LRIG3: variants seen among roughly 807,000 people sequenced by gnomAD.
LRIG3 encodes leucine-rich repeats and immunoglobulin-like domains protein 3.
In LRIG3, 76 loss-of-function variants were observed where a neutral mutation model predicts 114.5. That is an observed-to-expected ratio of 0.66 (90% CI 0.55 to 0.80). LRIG3 has a LOEUF of 0.80. Ranked by LOEUF, LRIG3 falls within the 30% of genes least tolerant of loss-of-function variation. The pLI, the probability that LRIG3 is intolerant of heterozygous loss-of-function variation, is 0.00. For synonymous variants in LRIG3, 512 were observed against 519.8 expected, an observed-to-expected ratio of 0.98 and a Z score of 0.20; for missense variants, 1,239 against 1,382.8, an observed-to-expected ratio of 0.90 and a Z score of 1.65.
chr12:58,909,315 G>T (rs1565623388), intron 3 of LRIG3, among the ~76,000 whole-genome samples: 1 of 152,168 alleles, frequency 6.6e-6, no homozygotes, highest in Non-Finnish European at 1.5e-5. Context: ...GTAGGATTTG[G>T]TAAATATGTG....
At chr12:58,889,066 TTACA>T in intron 5 of LRIG3, 104 bp from the exon 6 acceptor site, 2 of 1,057,498 alleles carry the variant, frequency 1.9e-6, no homozygotes, top group South Asian at 3.6e-5. Context: ...CAGTGTTCAA[TTACA>T]TACAGTGTTT....
chr12:58,874,547 C>T lies in LRIG3; in HGVS notation c.2722G>A (p.Glu908Lys). Residue 908 changes from glutamate (E) to lysine (K), a missense_variant, in exon 17 of 19, where the codon GAA becomes AAA. Coordinates refer to ENST00000320743, the MANE Select transcript of LRIG3 (RefSeq NM_153377.5). ...SGTCHIDNSS[E>K]ADVEAATDLF... Reference sequence around the variant, plus strand: ...TCTGTGGCAGCTTCCACATCAGCTTCACTGCTATTGTCAATATGGCAGGTC... The same window carrying T: ...TCTGTGGCAGCTTCCACATCAGCTTTACTGCTATTGTCAATATGGCAGGTC... 2.5e-6 allele frequency: 4 copies of T among 1,614,218 alleles called. No homozygotes were observed. The highest frequency in any genetic ancestry group is 3.4e-6 in the Non-Finnish European group (4 of 1,180,038).
intron 13 of LRIG3, among the ~76,000 whole-genome samples, chr12:58,879,901 G>A (rs1871061558): frequency 2.0e-5 from 3 of 152,178 alleles, no homozygotes; most frequent in African/African-American, 4.8e-5. Context: ...CGCAGGAGTG[G>A]CAGGATTCAC....
chr12:58,912,508 G>T (rs1244417012), intron 3 of LRIG3, among the ~76,000 whole-genome samples: 3 of 151,496 alleles, frequency 2.0e-5, no homozygotes, highest in Admixed American at 6.6e-5. Context: ...AAAAAAAAAA[G>T]TATAAAACAC....
intron 9 of LRIG3, 130 bp from the exon 10 acceptor site, chr12:58,886,032 T>C (rs1347962082): frequency 5.1e-6 from 2 of 391,000 alleles, no homozygotes; most frequent in Non-Finnish European, 9.5e-6. Flanking sequence ...ATATATCCTG[T>C]AAAAATGTGT....
intron 13 of LRIG3, among the ~76,000 whole-genome samples, chr12:58,880,195 C>T (rs1464544593): frequency 6.6e-6 from 1 of 151,104 alleles, no homozygotes; most frequent in Non-Finnish European, 1.5e-5. Context: ...ACTCAGGAGG[C>T]TGAGGTAGGA....
intron 3 of LRIG3, among the ~76,000 whole-genome samples, chr12:58,894,238 GTGCTGT>G (rs1871558149): frequency 6.6e-6 from 1 of 152,182 alleles, no homozygotes; most frequent in African/African-American, 2.4e-5. Context: ...AGCGTGCACA[GTGCTGT>G]CTTTGTCAGC....
intron 3 of LRIG3, among the ~76,000 whole-genome samples, chr12:58,894,292 A>G (rs1871560650): frequency 2.0e-5 from 3 of 152,212 alleles, no homozygotes; most frequent in African/African-American, 7.2e-5. Flanking sequence ...CAACTGTGAG[A>G]ATAATAGTCC....
chr12:58,874,705 A>C (rs1870859089), intron 16 of LRIG3, 132 bp from the exon 17 acceptor site: 2 of 1,136,688 alleles, frequency 1.8e-6, no homozygotes, highest in Admixed American at 2.6e-5. Flanking sequence ...AAATTGCAAA[A>C]ATTTACAGTA....
At chr12:58,877,041 CA>C (rs2120873038) in intron 15 of LRIG3, among the ~76,000 whole-genome samples, 1 of 152,318 alleles carries the variant, frequency 6.6e-6, no homozygotes, top group Admixed American at 6.5e-5. Context: ...AGTACATGCA[CA>C]TACGCACAGA....
chr12:58,889,933 A>G, intron 5 of LRIG3, 63 bp downstream of exon 5: 1 of 1,556,882 alleles, frequency 6.4e-7, no homozygotes, highest in East Asian at 2.3e-5. Context: ...GTAGATTTTA[A>G]GGAAAAGACA....
intron 3 of LRIG3, among the ~76,000 whole-genome samples, chr12:58,905,394 T>C (rs1190301000): frequency 6.6e-6 from 1 of 152,212 alleles, no homozygotes; most frequent in Non-Finnish European, 1.5e-5. Flanking sequence ...TCTATAAACA[T>C]TTAAAATCCA....
intron 3 of LRIG3, among the ~76,000 whole-genome samples, chr12:58,906,405 T>A (rs1429005071): frequency 1.3e-5 from 2 of 152,182 alleles, no homozygotes; most frequent in Non-Finnish European, 2.9e-5. Context: ...TATTAAAATA[T>A]CAATATTACT....
intron 1 of LRIG3, among the ~76,000 whole-genome samples, chr12:58,917,711 AC>A (rs1872532175): frequency 2.6e-5 from 4 of 152,212 alleles, no homozygotes; most frequent in African/African-American, 9.6e-5. Context: ...AAAGATAGAC[AC>A]TGAACTTTTT....
chr12:58,883,150 A>C, intron 11 of LRIG3, 118 bp from the exon 12 acceptor site: 9 of 928,028 alleles, frequency 9.7e-6, no homozygotes, highest in South Asian at 1.8e-5. Flanking sequence ...CACACATCCC[A>C]TGGAATAAGT....
At chr12:58,918,088 G>T (rs1047100078) in intron 1 of LRIG3, among the ~76,000 whole-genome samples, 5 of 152,322 alleles carry the variant, frequency 3.3e-5, no homozygotes, top group Admixed American at 6.5e-5. Flanking sequence ...AGTCACAGAA[G>T]TACAGGAATG....
Position 58,878,984 on chromosome 12 carries a change from G to T in LRIG3, c.1923C>A (p.Gly641=), listed in dbSNP as rs759505812. 1 of 1,614,178 alleles carries T rather than the reference G, an allele frequency of 6.2e-7. No individual in the cohort carries two copies. Among genetic ancestry groups the T allele is most frequent in the South Asian group, 1.1e-5 (1 of 91,080 alleles). Residue 641 remains glycine (G), a synonymous_variant, in exon 14 of 19, where the codon GGC becomes GGA. Coordinates refer to ENST00000320743, the MANE Select transcript of LRIG3 (RefSeq NM_153377.5). ...TCTCCCGTGCAGCTGGGAAGTCTGT[G>T]CCCCCATCCTTCTGCCAGGCTATCT... The part of the protein sequence containing the change: ...APQIAWQKDG[G]TDFPAARERR...
Position 58,872,655 on chromosome 12 carries a change from C to A in LRIG3, c.3277G>T (p.Glu1093Ter). The change falls in exon 19 of 19, where the codon GAA (glutamate) becomes TAA (stop). Residue 1093 changes from glutamate to a stop codon, truncating the protein, a stop_gained. Transcript: ENST00000320743. LOFTEE classifies it high-confidence loss of function. ...EDGKERTDFQEENHICTFKQT... is the reference protein window; with the variant it reads ...EDGKERTDFQ ...TTAAAGGTACAAATGTGATTTTCTT[C>A]CTGAAAATCTGTCCTTTCTTTCCCA... 6.2e-7 allele frequency: 1 copy of A among 1,614,028 alleles called. No homozygotes were observed. The highest frequency in any genetic ancestry group is 8.5e-7 in the Non-Finnish European group (1 of 1,179,952).
At chr12:58,889,075 G>T in intron 5 of LRIG3, 113 bp from the exon 6 acceptor site, 1 of 971,956 alleles carries the variant, frequency 1.0e-6, no homozygotes, top group Non-Finnish European at 1.5e-6. Context: ...ATTACATACA[G>T]TGTTTTCAGT....
Sources: gnomAD v4.1 joint callset for allele counts (sites outside exome capture counted in the v4.1 genomes callset) on GRCh38, gnomAD v4.1.1 for gene constraint, MANE v1.5 for transcripts, NCBI Gene and HGNC (gene_info 2026-07-23, HGNC 2026-07-21) for gene names.